ARHGAP44: variants seen among roughly 807,000 people sequenced by gnomAD.
The protein encoded by ARHGAP44 is rho GTPase-activating protein 44.
A neutral mutation model predicts 106.8 loss-of-function variants in ARHGAP44; 43 were observed. The observed-to-expected ratio is 0.40, with a 90% CI of 0.32 to 0.52. ARHGAP44 has a LOEUF of 0.52. Among genes scored for constraint, ARHGAP44 ranks in the 20% least tolerant of loss-of-function variants. The pLI is 0.48. For missense variants in ARHGAP44, 866 were observed against 1,050.5 expected (o/e 0.82, Z 2.43); for synonymous variants, 439 against 410.3 (o/e 1.07, Z -0.85).
chr17:12,791,469 AG>A (rs1348502188), intron 1 of ARHGAP44, among the ~76,000 whole-genome samples: 2 of 152,222 alleles, frequency 1.3e-5, no homozygotes, highest in Non-Finnish European at 2.9e-5. Flanking sequence ...AGTGACCAGG[AG>A]GCCCCTGACA....
At chr17:12,860,459 T>C (rs1322943328) in intron 1 of ARHGAP44, among the ~76,000 whole-genome samples, 2 of 152,170 alleles carry the variant, frequency 1.3e-5, no homozygotes, top group South Asian at 4.1e-4. Flanking sequence ...AGCTGTGACC[T>C]TCAGAGGGAA....
chr17:12,929,851 A>C (rs2038349215), intron 7 of ARHGAP44, among the ~76,000 whole-genome samples: 1 of 152,202 alleles, frequency 6.6e-6, no homozygotes, highest in Non-Finnish European at 1.5e-5. Flanking sequence ...GAGAATAACC[A>C]GTTTGCCTGT....
intron 19 of ARHGAP44, among the ~76,000 whole-genome samples, chr17:12,984,033 T>C (rs1264991408): frequency 6.6e-6 from 1 of 152,180 alleles, no homozygotes; most frequent in Non-Finnish European, 1.5e-5. Flanking sequence ...CAGAAGCCAC[T>C]GGACAGGTTC....
At chr17:12,915,284 T>G (rs1011437190) in intron 4 of ARHGAP44, among the ~76,000 whole-genome samples, 9 of 152,210 alleles carry the variant, frequency 5.9e-5, no homozygotes, top group African/African-American at 1.4e-4. Flanking sequence ...TGAGTTTTAG[T>G]TAAAATGGGT....
intron 1 of ARHGAP44, among the ~76,000 whole-genome samples, chr17:12,841,581 C>G (rs192275914): frequency 0.075 from 8,636 of 115,704 alleles, 408 homozygotes; most frequent in African/African-American, 0.16. Flanking sequence ...GACCCTGTCT[C>G]TCTGTCTCTC....
At chr17:12,948,622 A>G (rs2038913499) in intron 10 of ARHGAP44, among the ~76,000 whole-genome samples, 1 of 152,086 alleles carries the variant, frequency 6.6e-6, no homozygotes, top group Non-Finnish European at 1.5e-5. Flanking sequence ...CTGAGTCAAG[A>G]TCGGGCCGCT....
chr17:12,949,122 C>T lies in ARHGAP44; in HGVS notation c.862-18C>T. 6.4e-7 allele frequency: 1 copy of T among 1,555,894 alleles called. No homozygotes were observed. The highest frequency in any genetic ancestry group is 8.7e-7 in the Non-Finnish European group (1 of 1,149,466). On this transcript the variant is annotated intron_variant, in intron 10 of 20. Transcript: ENST00000379672. This position sits in a 1 kb window ranked among gnomAD's most constrained non-coding sequence, Gnocchi z 4.1. ...TACCTTGGAGTTGCTGTGCGCTGACCCTCTGTCCTGTTGGTAGGGACTCTT... is the reference window on the plus strand; with the variant it reads ...TACCTTGGAGTTGCTGTGCGCTGACTCTCTGTCCTGTTGGTAGGGACTCTT...
In ARHGAP44 at chr17:12,958,960, G is replaced by A. The variant is rs774372318; in HGVS notation, c.1523+63G>A. On this transcript the variant is annotated intron_variant, in intron 16 of 20. Coordinates refer to ENST00000379672, the MANE Select transcript of ARHGAP44 (RefSeq NM_014859.6). This position sits in a 1 kb window ranked among gnomAD's most constrained non-coding sequence, Gnocchi z 4.1. Reference sequence around the variant, plus strand: ...GGGGAGGTGGTGGGGGTGGATGGGTGACGCATAAGAAAAATACAATTACGG... The same window carrying A: ...GGGGAGGTGGTGGGGGTGGATGGGTAACGCATAAGAAAAATACAATTACGG... The A allele has an allele frequency of 3.3e-6, 5 of 1,535,152 alleles. No individual in the cohort carries two copies. The highest frequency in any genetic ancestry group is 4.4e-6 in the Non-Finnish European group (5 of 1,131,934).
intron 16 of ARHGAP44, among the ~76,000 whole-genome samples, chr17:12,968,716 A>C (rs1003919162): frequency 6.6e-6 from 1 of 151,052 alleles, no homozygotes; most frequent in Non-Finnish European, 1.5e-5. Flanking sequence ...ATTTTTTTCC[A>C]GTCCCCATTT....
chr17:12,861,576 A>G (rs1392770226), intron 1 of ARHGAP44, among the ~76,000 whole-genome samples: 1 of 150,852 alleles, frequency 6.6e-6, no homozygotes, highest in East Asian at 2.0e-4. Context: ...TGCTGTCCTC[A>G]TACCACATCG....
chr17:12,974,431 C>G (rs2039619287), intron 18 of ARHGAP44, 121 bp downstream of exon 18: 1 of 893,292 alleles, frequency 1.1e-6, no homozygotes, highest in East Asian at 3.3e-5. Flanking sequence ...CATTTCTAAG[C>G]ATTCATATTT....
intron 17 of ARHGAP44, 102 bp from the exon 18 acceptor site, chr17:12,973,987 C>A: frequency 8.0e-7 from 1 of 1,250,182 alleles, no homozygotes; most frequent in Non-Finnish European, 1.1e-6. Context: ...TAAAGCTGCG[C>A]TGCTCTTCTC....
At position 12,975,772 on chromosome 17, in the gene ARHGAP44, T is replaced by TGGGTGACA. The variant is rs1174257050; in HGVS notation, c.1763+1464_1763+1471dup. Among the ~76,000 whole-genome samples, 9 of 114,656 alleles carry TGGGTGACA rather than the reference T, an allele frequency of 7.8e-5. No homozygotes were observed. The Admixed American group carries it at 1.2e-3, about 15-fold the overall frequency. The allele number at this position is 114,656 out of a possible 152,430, so 75.2% of individuals were successfully genotyped here. A position where few individuals can be genotyped will look rare whatever the true frequency, so the allele number is the denominator to read the frequency against. On this transcript the variant is annotated intron_variant, in intron 18 of 20. Transcript: ENST00000379672. ...CGGATCGCGCCACTGCACTCCAGCC[T>TGGGTGACA]GGGTGACAGCGTGACTCCGTCTCAA...
At chr17:12,814,839 GA>G (rs940119771) in intron 1 of ARHGAP44, among the ~76,000 whole-genome samples, 2 of 151,320 alleles carry the variant, frequency 1.3e-5, no homozygotes, top group Non-Finnish European at 2.9e-5. Flanking sequence ...TTATCTTTCT[GA>G]AAAAAACCCC....
chr17:12,842,562 C>T (rs896441880), intron 1 of ARHGAP44, among the ~76,000 whole-genome samples: 5 of 152,104 alleles, frequency 3.3e-5, no homozygotes, highest in African/African-American at 1.2e-4. Context: ...TGGAGGACTC[C>T]ACCCCTAGAG....
intron 16 of ARHGAP44, chr17:12,959,138 T>G: frequency 3.1e-5 from 15 of 478,560 alleles, no homozygotes; most frequent in South Asian, 2.3e-4. Context: ...TATTAATTAG[T>G]TCTCATCAAA....
At chr17:12,926,409 A>G (rs1236643200) in intron 6 of ARHGAP44, among the ~76,000 whole-genome samples, 2 of 143,496 alleles carry the variant, frequency 1.4e-5, no homozygotes, top group South Asian at 4.2e-4. Context: ...TATTGTATAT[A>G]TATAATATAT....
At chr17:12,868,484 C>T (rs2036297556) in intron 1 of ARHGAP44, among the ~76,000 whole-genome samples, 1 of 150,950 alleles carries the variant, frequency 6.6e-6, no homozygotes, top group Non-Finnish European at 1.5e-5. Flanking sequence ...TCCAAAACCA[C>T]ATGCAAGATC....
At chr17:12,850,569 C>T (rs1567647930) in intron 1 of ARHGAP44, among the ~76,000 whole-genome samples, 1 of 151,540 alleles carries the variant, frequency 6.6e-6, no homozygotes, top group Non-Finnish European at 1.5e-5. Context: ...TCCACATCAC[C>T]ATGGGGTGGA....
Sources: allele counts gnomAD v4.1 joint callset (sites outside exome capture counted in the v4.1 genomes callset), GRCh38; gene constraint gnomAD v4.1.1; non-coding constraint Gnocchi (gnomAD v3.1); transcripts MANE v1.5; gene names NCBI Gene and HGNC (gene_info 2026-07-23, HGNC 2026-07-21).